HIPK3: variants seen among roughly 807,000 people sequenced by gnomAD.
HIPK3 encodes the protein homeodomain-interacting protein kinase 3.
A neutral mutation model predicts 124.2 loss-of-function variants in HIPK3; 47 were observed. That is an observed-to-expected ratio of 0.38 (90% confidence interval 0.30 to 0.48). HIPK3 has a LOEUF of 0.48. Among genes scored for constraint, HIPK3 ranks in the 20% least tolerant of loss-of-function variants. The probability of loss-of-function intolerance (pLI) is 0.98; values close to 1 mark genes in which losing one functional copy is unlikely to be tolerated. For missense variants in HIPK3, 1,286 were observed against 1,454.3 expected (o/e 0.88, Z 1.88); for synonymous variants, 482 against 515.2 (o/e 0.94, Z 0.87).
chr11:33,338,059 A>G (rs1486660009), intron 4 of HIPK3, among the ~76,000 whole-genome samples: 1 of 152,006 alleles, frequency 6.6e-6, no homozygotes, highest in African/African-American at 2.4e-5. Flanking sequence ...ATCTTAAATT[A>G]AAAAAACTTT....
At chr11:33,292,520 CT>C (rs759155742) in intron 2 of HIPK3, among the ~76,000 whole-genome samples, 49 of 152,190 alleles carry the variant, frequency 3.2e-4, no homozygotes, top group Non-Finnish European at 6.5e-4. Context: ...CAGAATGACC[CT>C]TGAGAGCACA....
chr11:33,351,638 T>C lies in HIPK3; in HGVS notation c.2838T>C (p.Cys946=), dbSNP rs1853660251. 1.2e-6 allele frequency: 2 copies of C among 1,614,192 alleles called. No individual in the cohort carries two copies. Among genetic ancestry groups the C allele is most frequent in the East Asian group, 4.5e-5 (2 of 44,886 alleles). The part of the protein sequence containing the change: ...SMSDEEQESS[C]DTVDGSPTSD... ...CAGATGAAGAGCAAGAAAGTAGTTGTGATACGGTGGATGGCTCTCCGACAT... is the reference window on the plus strand; with the variant it reads ...CAGATGAAGAGCAAGAAAGTAGTTGCGATACGGTGGATGGCTCTCCGACAT... Residue 946 remains cysteine (C), a synonymous_variant, in exon 15 of 17, where the codon TGT becomes TGC. Coordinates refer to ENST00000303296, the MANE Select transcript of HIPK3 (RefSeq NM_005734.5).
intron 3 of HIPK3, 146 bp from the exon 4 acceptor site, chr11:33,336,929 C>T: frequency 1.4e-5 from 6 of 429,534 alleles, no homozygotes; most frequent in Non-Finnish European, 2.0e-5. Flanking sequence ...TAATTTTTTC[C>T]ATATATGTTC....
chr11:33,280,656 T>C (rs1026756046), intron 1 of HIPK3, among the ~76,000 whole-genome samples: 1 of 152,206 alleles, frequency 6.6e-6, no homozygotes, highest in African/African-American at 2.4e-5. Context: ...GTCCAAACCC[T>C]GGTTGGAGCC....
chr11:33,282,307 C>G (rs1401872275), intron 1 of HIPK3, among the ~76,000 whole-genome samples: 2 of 151,722 alleles, frequency 1.3e-5, no homozygotes, highest in Non-Finnish European at 2.9e-5. Context: ...ATCGTTTGAG[C>G]TCAGGAGGTC....
At chr11:33,345,572 G>C (rs1458180526) in intron 8 of HIPK3, among the ~76,000 whole-genome samples, 2 of 151,820 alleles carry the variant, frequency 1.3e-5, no homozygotes, top group Non-Finnish European at 2.9e-5. Context: ...TTTTTGTTCA[G>C]ATTTGGAAAT....
rs888816495 is a variant in HIPK3, at chr11:33,313,600, G to A, written c.1098-14910G>A. On this transcript the variant is annotated intron_variant, in intron 2 of 16. Transcript: ENST00000303296. ...AGTTGAGGGGTATTATCAGAATTGTGCTATTTTTTGCAACTTTTCTGTAAG... is the reference window on the plus strand; with the variant it reads ...AGTTGAGGGGTATTATCAGAATTGTACTATTTTTTGCAACTTTTCTGTAAG... 2.6e-5 allele frequency among the ~76,000 whole-genome samples: 4 copies of A among 152,162 alleles called. 1 individual carries two copies. Among genetic ancestry groups the A allele is most frequent in the African/African-American group, 9.6e-5 (4 of 41,510 alleles).
chr11:33,267,168 G>A (rs1850989200), intron 1 of HIPK3, among the ~76,000 whole-genome samples: 1 of 151,786 alleles, frequency 6.6e-6, no homozygotes, highest in Non-Finnish European at 1.5e-5. Flanking sequence ...TGTCCCCCAG[G>A]CTAGAGTGCA....
At chr11:33,307,565 ATT>A (rs550529907) in intron 2 of HIPK3, among the ~76,000 whole-genome samples, 8 of 141,182 alleles carry the variant, frequency 5.7e-5, no homozygotes, top group Admixed American at 1.4e-4. Flanking sequence ...CGCCTGGCTA[ATT>A]TTTTTTTTTT....
chr11:33,291,731 TTTTC>T (rs200913916), intron 2 of HIPK3, among the ~76,000 whole-genome samples: 1,575 of 152,260 alleles, frequency 0.01, 8 homozygotes, highest in Non-Finnish European at 0.015. Context: ...TTCTTTTTCT[TTTTC>T]TTTCTTTCTT....
At position 33,351,721 on chromosome 11, in the gene HIPK3, A is replaced by G. The variant is rs1238651227; in HGVS notation, c.2921A>G (p.His974Arg). 1.9e-6 allele frequency: 3 copies of G among 1,614,100 alleles called. No individual in the cohort carries two copies. The highest frequency in any genetic ancestry group is 3.3e-5 in the Admixed American group (2 of 60,004). The change falls in exon 15 of 17, where the codon CAT becomes CGT. Residue 974 changes from histidine (H) to arginine (R), a missense_variant. His to Arg is a conservative substitution (Grantham distance 29). Around this residue, in one of 3 missense-constraint regions of HIPK3, gnomAD observed 810 missense variants for 864.9 expected, o/e 0.94. Coordinates refer to ENST00000303296, the MANE Select transcript of HIPK3 (RefSeq NM_005734.5). ...GAGAGCACTTTTGTGGAGGACACTC[A>G]TGAAAACACAGAATTGGTATCCTCT... is the stretch of plus-strand genomic sequence containing the variant. ...FAESTFVEDT[H>R]ENTELVSSAD...
intron 8 of HIPK3, among the ~76,000 whole-genome samples, chr11:33,343,343 C>G (rs1404965665): frequency 4.6e-5 from 7 of 151,166 alleles, no homozygotes; most frequent in African/African-American, 1.7e-4. Flanking sequence ...TGTGGTAGCA[C>G]GATCTTGGCT....
At position 33,286,743 on chromosome 11, in the gene HIPK3, G is replaced by T; in HGVS notation, c.329G>T (p.Gly110Val). 6.2e-7 allele frequency: 1 copy of T among 1,614,044 alleles called. No individual in the cohort carries two copies. Among genetic ancestry groups the T allele is most frequent in the Non-Finnish European group, 8.5e-7 (1 of 1,180,008 alleles). The change falls in exon 2 of 17, where the codon GGG (glycine) becomes GTG (valine). Residue 110 changes from glycine to valine, a missense_variant. By Grantham distance (109) the Gly-to-Val change is moderately radical. Around this residue, in one of 3 missense-constraint regions of HIPK3, gnomAD observed 225 missense variants for 240.3 expected, o/e 0.94. Transcript: ENST00000303296. ...GCTCACGTGCAGGCACCTCAGATTG[G>T]GGCGTGGCGAAACAGATTGCATTTC... ...QQAHVQAPQI[G>V]AWRNRLHFLE...
intron 2 of HIPK3, among the ~76,000 whole-genome samples, chr11:33,310,758 A>G (rs916326103): frequency 6.6e-6 from 1 of 152,252 alleles, no homozygotes; most frequent in African/African-American, 2.4e-5. Flanking sequence ...TTGCGAAAAT[A>G]CGGTAGGACA....
At chr11:33,319,720 C>T (rs1036055117) in intron 2 of HIPK3, among the ~76,000 whole-genome samples, 2 of 152,092 alleles carry the variant, frequency 1.3e-5, no homozygotes, top group African/African-American at 4.8e-5. Flanking sequence ...TTGATCAATT[C>T]ATTGAACAAA....
At chr11:33,337,352 A>G (rs1853182673) in intron 4 of HIPK3, among the ~76,000 whole-genome samples, 158 bp downstream of exon 4, 1 of 148,260 alleles carries the variant, frequency 6.7e-6, no homozygotes, top group African/African-American at 2.5e-5. Flanking sequence ...ATTTTTTTCA[A>G]TTTTTTTAGT....
chr11:33,353,306 G>C lies in HIPK3; in HGVS notation c.3386G>C (p.Ser1129Thr). ...LPYPSSATLS[S>T]AAPVAHLLAS... ...TACCCATCATCAGCCACCCTCAGTA[G>C]TGCTGCACCAGTGGCCCACCTGTTA... Residue 1129 changes from serine to threonine, a missense_variant, in exon 17 of 17, where the codon AGT becomes ACT. Physicochemically the swap from Ser to Thr is moderately conservative, Grantham distance 58. Transcript: ENST00000303296. 1 of 1,614,140 alleles carries C rather than the reference G, an allele frequency of 6.2e-7. No individual in the cohort carries two copies.
intron 3 of HIPK3, among the ~76,000 whole-genome samples, chr11:33,335,495 C>T (rs1441679598): frequency 6.6e-6 from 1 of 152,170 alleles, no homozygotes; most frequent in Non-Finnish European, 1.5e-5. Context: ...CTGTTACTAA[C>T]AGGCCATTAC....
At chr11:33,292,686 A>G (rs142835233) in intron 2 of HIPK3, among the ~76,000 whole-genome samples, 1,721 of 152,278 alleles carry the variant, frequency 0.011, 29 homozygotes, top group African/African-American at 0.039. Context: ...CAAATACAAG[A>G]TTGTCAATTG....
Sources: allele counts gnomAD v4.1 joint callset (sites outside exome capture counted in the v4.1 genomes callset), GRCh38; gene constraint gnomAD v4.1.1; regional missense constraint gnomAD v4.1.1; transcripts MANE v1.5; gene names NCBI Gene and HGNC (gene_info 2026-07-23, HGNC 2026-07-21).